Variants in BYSL observed in about 807,000 individuals in gnomAD.
BYSL encodes the protein bystin.
BYSL carries 21 observed loss-of-function variants against 45.4 expected under a neutral mutation model. The observed-to-expected ratio is 0.46, with a 90% confidence interval of 0.33 to 0.67. The LOEUF (loss-of-function observed/expected upper bound fraction) is 0.67, where lower values mean the gene tolerates loss of function less well. Ranked by LOEUF, BYSL falls within the 30% of genes least tolerant of loss-of-function variation. The pLI is 0.02. For synonymous variants in BYSL, 215 were observed against 231.3 expected (o/e 0.93, Z 0.64); for missense variants, 522 against 578.5 (o/e 0.90, Z 1.00).
chr6:41,909,232 T>A, the BYSL span: 1 of 1,595,560 alleles, frequency 6.3e-7, no homozygotes, highest in Non-Finnish European at 8.6e-7. Context: ...AGCAGCCCCC[T>A]CAGAACATCC....
upstream of BYSL, among the ~76,000 whole-genome samples, chr6:41,920,059 G>A (rs981539823): frequency 7.2e-5 from 11 of 152,304 alleles, no homozygotes; most frequent in Admixed American, 5.2e-4. Context: ...AGAAAAAAAT[G>A]TTCTGGGACC....
At chr6:41,924,817 G>A (rs1243434862) in intron 1 of BYSL, among the ~76,000 whole-genome samples, 3 of 152,204 alleles carry the variant, frequency 2.0e-5, no homozygotes, top group Non-Finnish European at 2.9e-5. Flanking sequence ...ACCAGTGGGC[G>A]ACTGTTGAAT....
chr6:41,928,915 T>C (rs754586803), intron 2 of BYSL, among the ~76,000 whole-genome samples: 2 of 152,126 alleles, frequency 1.3e-5, no homozygotes, highest in Non-Finnish European at 2.9e-5. Context: ...GAGTAGGACC[T>C]CAGAAAAGAG....
intron 4 of BYSL, 145 bp downstream of exon 4, chr6:41,930,913 A>G: frequency 8.1e-7 from 1 of 1,235,024 alleles, no homozygotes; most frequent in East Asian, 2.8e-5. Context: ...TCATTTTTCT[A>G]GCTTTTCCTG....
At chr6:41,920,353 G>A (rs1182647439), upstream of BYSL, among the ~76,000 whole-genome samples, 2 of 152,130 alleles carry the variant, frequency 1.3e-5, no homozygotes, top group Non-Finnish European at 2.9e-5. Context: ...ATGGCTGAGG[G>A]AAGAGCAGGC....
chr6:41,932,609 G>A lies in BYSL; in HGVS notation c.1217G>A (p.Arg406Gln), dbSNP rs149871094. The A allele has an allele frequency of 1.8e-5, 29 of 1,614,022 alleles. No homozygotes were observed. In the South Asian group the frequency reaches 2.3e-4, roughly 13 times the overall value. ...AAAGAGGCCCTCTTAGAACTGCTCC[G>A]GCTGCAGCCCCATCCACAGCTATCG... ...DQKEALLELL[R>Q]LQPHPQLSPE... Residue 406 changes from arginine to glutamine, a missense_variant, in exon 7 of 7, where the codon CGG becomes CAG. By Grantham distance (43) the Arg-to-Gln change is conservative. Coordinates refer to ENST00000230340, the MANE Select transcript of BYSL (RefSeq NM_004053.4). This position sits in a 1 kb window ranked among gnomAD's most constrained non-coding sequence, Gnocchi z 4.7.
chr6:41,921,118 T>A, upstream of BYSL: 7 of 1,468,724 alleles, frequency 4.8e-6, no homozygotes, highest in South Asian at 1.2e-5. Context: ...ACCTTCTGTC[T>A]CAGAAGGGAC....
the BYSL span, chr6:41,912,914 C>T: frequency 6.6e-6 from 1 of 152,178 alleles, no homozygotes; most frequent in Non-Finnish European, 1.5e-5. Context: ...TTGAGACCAG[C>T]CTGGGCAACA....
chr6:41,921,512 C>G lies in BYSL; in HGVS notation c.-51C>G. On this transcript the variant is annotated 5_prime_UTR_variant, in exon 1 of 7. Transcript: ENST00000230340. ...AGTCCACCGCGCAAGCGCATCCTGG[C>G]CTTTCTTCAGTCCCCACGTGCGATC... The G allele has an allele frequency of 2.0e-6, 3 of 1,519,688 alleles. No homozygotes were observed. The highest frequency in any genetic ancestry group is 1.8e-6 in the Non-Finnish European group (2 of 1,134,066). The allele number at this position is 1,519,688 out of a possible 1,614,324, so 94.1% of individuals were successfully genotyped here. A position where few individuals can be genotyped will look rare whatever the true frequency, so the allele number is the denominator to read the frequency against.
In BYSL at chr6:41,927,763, A is replaced by G. The variant is rs369071053; in HGVS notation, c.431+227A>G. The G allele has an allele frequency of 1.1e-4, 55 of 482,226 alleles. 1 individual carries two copies. In the East Asian group the frequency reaches 1.2e-3, roughly 11 times the overall value. 29.9% of individuals were successfully genotyped at this position (482,226 alleles called of 1,614,324 possible). A position where few individuals can be genotyped will look rare whatever the true frequency, so the allele number is the denominator to read the frequency against. ...ATGTCCATTTGTTGTACAACTGCCCAGTTGCCAGGGAAACAGTTCCAGGCC... is the reference window on the plus strand; with the variant it reads ...ATGTCCATTTGTTGTACAACTGCCCGGTTGCCAGGGAAACAGTTCCAGGCC... On this transcript the variant is annotated intron_variant, in intron 2 of 6. Transcript: ENST00000230340.
chr6:41,909,029 A>C, the BYSL span: 1 of 531,210 alleles, frequency 1.9e-6, no homozygotes, highest in South Asian at 3.5e-5. Context: ...CTAAAAAAAA[A>C]AAAAAATTTA....
upstream of BYSL, chr6:41,916,699 C>A: frequency 6.6e-7 from 1 of 1,514,894 alleles, no homozygotes; most frequent in South Asian, 1.2e-5. Context: ...CCACCTTTAG[C>A]AGAAAAGCAG....
chr6:41,921,054 A>G (rs778081762), upstream of BYSL: 12 of 1,609,414 alleles, frequency 7.5e-6, no homozygotes, highest in Non-Finnish European at 1.0e-5. Flanking sequence ...ATCACACAGT[A>G]GAAACGCAGG....
the BYSL span, among the ~76,000 whole-genome samples, chr6:41,911,438 G>A: frequency 3.3e-5 from 5 of 152,078 alleles, no homozygotes; most frequent in Non-Finnish European, 5.9e-5. Flanking sequence ...GGCATGAGCC[G>A]CCACGCCCAG....
chr6:41,924,794 C>T (rs1277401367), intron 1 of BYSL, among the ~76,000 whole-genome samples: 1 of 152,108 alleles, frequency 6.6e-6, no homozygotes, highest in Non-Finnish European at 1.5e-5. Context: ...GAAGCAAGGT[C>T]AGAAACATAG....
At chr6:41,916,926 G>A (rs781707850), upstream of BYSL, 6 of 1,613,926 alleles carry the variant, frequency 3.7e-6, no homozygotes, top group South Asian at 6.6e-5. Context: ...TCGGCCACAG[G>A]CATCTGGGAC....
At chr6:41,920,989 C>T (rs759145747), upstream of BYSL, 3 of 1,610,208 alleles carry the variant, frequency 1.9e-6, no homozygotes, top group East Asian at 2.3e-5. Context: ...CCCCACAAAA[C>T]CCCCTGCAGT....
At chr6:41,920,916 T>C (rs1232345988), upstream of BYSL, 5 of 1,521,210 alleles carry the variant, frequency 3.3e-6, no homozygotes, top group South Asian at 4.9e-5. Flanking sequence ...CTCCCTCAGC[T>C]CCCAGAGGAC....
chr6:41,931,622 G>A, intron 5 of BYSL, 66 bp downstream of exon 5: 1 of 1,611,842 alleles, frequency 6.2e-7, no homozygotes, highest in Non-Finnish European at 8.5e-7. Context: ...CAGCAGGCCT[G>A]GTGTGGGAAA....
Sources: gnomAD v4.1 joint callset for allele counts (sites outside exome capture counted in the v4.1 genomes callset) on GRCh38, gnomAD v4.1.1 for gene constraint, Gnocchi (gnomAD v3.1) non-coding constraint, MANE v1.5 for transcripts, NCBI Gene and HGNC (gene_info 2026-07-23, HGNC 2026-07-21) for gene names.